CCDC92: variants seen among roughly 807,000 people sequenced by gnomAD.
CCDC92 encodes coiled-coil domain containing 92.
Under a neutral mutation model 24.9 loss-of-function variants are expected in CCDC92, and 12 were observed. The observed-to-expected ratio is 0.48, with a 90% CI of 0.31 to 0.78. CCDC92 has a LOEUF of 0.78. Ranked by LOEUF, CCDC92 falls within the 30% of genes least tolerant of loss-of-function variation. The pLI is 0.05. For synonymous variants in CCDC92, 193 were observed against 196.3 expected (o/e 0.98, Z 0.14); for missense variants, 399 against 439.4 (o/e 0.91, Z 0.82).
intron 1 of CCDC92, among the ~76,000 whole-genome samples, chr12:123,948,309 A>G (rs907494665): frequency 3.9e-5 from 6 of 152,232 alleles, no homozygotes; most frequent in Non-Finnish European, 7.3e-5. Flanking sequence ...ATAGTGTGGT[A>G]TTACATTTCA....
Position 123,937,714 on chromosome 12 carries a change from C to CA in CCDC92, c.339_340insT (p.Ala114CysfsTer33). On this transcript the variant is annotated frameshift_variant, in exon 5 of 5. Coordinates refer to ENST00000238156, the MANE Select transcript of CCDC92 (RefSeq NM_025140.3). LOFTEE classifies it high-confidence loss of function. The surrounding 1 kb of genome is among the most constrained non-coding windows in gnomAD (Gnocchi z 8.4). Reference sequence around the variant, plus strand: ...GTGTTCTCCAGCACTGTGATCATCGCGTTTTTCTGCTCCAGTTCTTTCAAC... The same window carrying CA: ...GTGTTCTCCAGCACTGTGATCATCGCAGTTTTTCTGCTCCAGTTCTTTCAAC... 6.2e-7 allele frequency: 1 copy of CA among 1,614,142 alleles called. No individual in the cohort carries two copies. The highest frequency in any genetic ancestry group is 8.5e-7 in the Non-Finnish European group (1 of 1,180,036).
chr12:123,940,358 T>C (rs1433635345), intron 4 of CCDC92, among the ~76,000 whole-genome samples: 1 of 152,216 alleles, frequency 6.6e-6, no homozygotes, highest in African/African-American at 2.4e-5. Flanking sequence ...TCCTCCTGGA[T>C]AGACATCCTC....
chr12:123,965,693 A>G (rs1594511265), intron 1 of CCDC92, among the ~76,000 whole-genome samples: 1 of 152,194 alleles, frequency 6.6e-6, no homozygotes, highest in Non-Finnish European at 1.5e-5. Flanking sequence ...AAGGGACTCT[A>G]AAGACTGTCA....
chr12:123,957,699 CTTTTTTTT>C (rs59738995), intron 1 of CCDC92, among the ~76,000 whole-genome samples: 5 of 75,922 alleles, frequency 6.6e-5, no homozygotes, highest in African/African-American at 2.5e-4. Flanking sequence ...TTTTTTCCTT[CTTTTTTTT>C]TTTTTTTTTT....
chr12:123,953,200 C>A (rs1297686227), intron 1 of CCDC92, among the ~76,000 whole-genome samples: 4 of 147,436 alleles, frequency 2.7e-5, no homozygotes, highest in African/African-American at 1.0e-4. Context: ...TTTTAATAGG[C>A]ACATCTCTAA....
At chr12:123,967,547 T>C (rs1956422557) in intron 1 of CCDC92, among the ~76,000 whole-genome samples, 1 of 152,166 alleles carries the variant, frequency 6.6e-6, no homozygotes. Flanking sequence ...AAAGCCTCCT[T>C]CAATGTTTAA....
At chr12:123,953,776 TCAAAAACAAAAA>T (rs58795770) in intron 1 of CCDC92, among the ~76,000 whole-genome samples, 310 of 149,204 alleles carry the variant, frequency 2.1e-3, no homozygotes, top group African/African-American at 7.4e-3. Flanking sequence ...AGACTCCGTC[TCAAAAACAAAAA>T]CAAAAACAAA....
chr12:123,968,088 AGCTTACTCAG>A (rs1259353393), intron 1 of CCDC92: 1 of 152,222 alleles, frequency 6.6e-6, no homozygotes, highest in African/African-American at 2.4e-5. Context: ...TTTTATAAGC[AGCTTACTCAG>A]GCTTGCTCTA....
intron 1 of CCDC92, chr12:123,945,856 C>A (rs1955831528): frequency 6.9e-6 from 1 of 145,452 alleles, no homozygotes; most frequent in African/African-American, 2.5e-5. Context: ...GAGAAAGAAC[C>A]ATTTAAATGT....
intron 1 of CCDC92, chr12:123,944,967 TC>T (rs1955801700): frequency 6.6e-6 from 1 of 152,010 alleles, no homozygotes; most frequent in South Asian, 2.1e-4. Flanking sequence ...TTGGAATTGG[TC>T]ATCTCTCTGA....
intron 1 of CCDC92, among the ~76,000 whole-genome samples, chr12:123,950,135 C>T (rs538857417): frequency 2.6e-5 from 4 of 152,334 alleles, no homozygotes; most frequent in Non-Finnish European, 5.9e-5. Flanking sequence ...TCTCCTAGCC[C>T]GCAGGTGATG....
chr12:123,949,036 G>A (rs1214380665), intron 1 of CCDC92, among the ~76,000 whole-genome samples: 1 of 152,158 alleles, frequency 6.6e-6, no homozygotes, highest in Non-Finnish European at 1.5e-5. Flanking sequence ...GGTCCCAAGA[G>A]GCTTAATTCA....
chr12:123,936,771 C>A lies in CCDC92; in HGVS notation c.*287G>T. 5.4e-6 allele frequency: 3 copies of A among 551,578 alleles called. No homozygotes were observed. The highest frequency in any genetic ancestry group is 2.2e-5 in the South Asian group (1 of 45,856). The allele number at this position is 551,578 out of a possible 1,614,324, so 34.2% of individuals were successfully genotyped here. On this transcript the variant is annotated 3_prime_UTR_variant, in exon 5 of 5. Coordinates refer to ENST00000238156, the MANE Select transcript of CCDC92 (RefSeq NM_025140.3). ...TCGTGAACATCAGTAGTGACGCAGCCGTGGCCTGGGCTTTGCCTGCAGCGC... is the reference window on the plus strand; with the variant it reads ...TCGTGAACATCAGTAGTGACGCAGCAGTGGCCTGGGCTTTGCCTGCAGCGC...
chr12:123,961,075 A>G (rs1365329276), intron 1 of CCDC92: 3 of 152,272 alleles, frequency 2.0e-5, no homozygotes, highest in African/African-American at 7.2e-5. Context: ...ACTAAAGTAC[A>G]AAGAAAACAA....
Position 123,969,697 on chromosome 12 carries a change from C to G in CCDC92, c.-60+2832G>C, listed in dbSNP as rs146577207. 3.2e-3 allele frequency among the ~76,000 whole-genome samples: 493 copies of G among 152,016 alleles called. 3 individuals carry two copies. Among genetic ancestry groups the G allele is most frequent in the African/African-American group, 0.011 (470 of 41,458 alleles). The stretch of plus-strand genomic sequence containing the variant: ...CAGGATGGTCTTGATCTCTTGACCT[C>G]GTGATCTGCCCGCCTCGGCCTCAGG... On this transcript the variant is annotated intron_variant, in intron 1 of 4. Transcript: ENST00000238156.
intron 1 of CCDC92, among the ~76,000 whole-genome samples, chr12:123,958,774 C>T (rs916906118): frequency 6.6e-6 from 1 of 152,190 alleles, no homozygotes. Context: ...AGAGCTTAAT[C>T]TGCCTTATTG....
At chr12:123,943,554 C>G in intron 2 of CCDC92, 61 bp from the exon 3 acceptor site, 2 of 1,593,020 alleles carry the variant, frequency 1.3e-6, no homozygotes, top group Non-Finnish European at 1.7e-6. Flanking sequence ...TGCCTGCCCT[C>G]CTTGGCTCTG....
intron 1 of CCDC92, among the ~76,000 whole-genome samples, chr12:123,965,075 T>TA (rs1412572770): frequency 2.6e-5 from 4 of 152,238 alleles, no homozygotes; most frequent in Non-Finnish European, 4.4e-5. Context: ...GTCTTTTTTT[T>TA]AAATACTTGT....
chr12:123,960,316 C>G (rs1321456697), intron 1 of CCDC92, among the ~76,000 whole-genome samples: 1 of 152,112 alleles, frequency 6.6e-6, no homozygotes, highest in Non-Finnish European at 1.5e-5. Context: ...CATCAGAGGG[C>G]TTGGAAAAAT....
Sources: allele counts gnomAD v4.1 joint callset (sites outside exome capture counted in the v4.1 genomes callset), GRCh38; gene constraint gnomAD v4.1.1; non-coding constraint Gnocchi (gnomAD v3.1); transcripts MANE v1.5; gene names NCBI Gene and HGNC (gene_info 2026-07-23, HGNC 2026-07-21).